The following CDH12 variants were observed in gnomAD, a reference collection of about 807,000 sequenced individuals.
CDH12 encodes the protein cadherin 12.
Under a neutral mutation model 74.1 loss-of-function variants are expected in CDH12, and 41 were observed. That is an observed-to-expected ratio of 0.55 (90% confidence interval 0.43 to 0.72). The LOEUF (loss-of-function observed/expected upper bound fraction) is 0.72. Ranked by LOEUF, CDH12 falls within the 30% of genes least tolerant of loss-of-function variation. The pLI, the probability that CDH12 is intolerant of heterozygous loss-of-function variation, is 0.00. For synonymous variants in CDH12, 399 were observed against 355.0 expected, an observed-to-expected ratio of 1.12 and a Z score of -1.39; for missense variants, 945 against 977.2, an observed-to-expected ratio of 0.97 and a Z score of 0.44.
At chr5:22,424,209 T>C (rs915430202) in intron 2 of CDH12, among the ~76,000 whole-genome samples, 1 of 152,078 alleles carries the variant, frequency 6.6e-6, no homozygotes, top group Non-Finnish European at 1.5e-5. Context: ...TCTTACCATG[T>C]ATCTGTGAAT....
chr5:22,628,784 T>A (rs269003), intron 1 of CDH12, among the ~76,000 whole-genome samples: 4 of 151,684 alleles, frequency 2.6e-5, no homozygotes, highest in South Asian at 2.1e-4. Context: ...TGTAAAAAAC[T>A]TACAAAAGAT....
At chr5:21,947,254 A>G (rs1269295638) in intron 6 of CDH12, among the ~76,000 whole-genome samples, 1 of 152,172 alleles carries the variant, frequency 6.6e-6, no homozygotes, top group African/African-American at 2.4e-5. Flanking sequence ...ACTGCTATAA[A>G]GATACTGAAA....
At chr5:21,923,559 G>T (rs1158355121) in intron 6 of CDH12, among the ~76,000 whole-genome samples, 1 of 151,926 alleles carries the variant, frequency 6.6e-6, no homozygotes, top group Non-Finnish European at 1.5e-5. Flanking sequence ...ATACCTCAGG[G>T]TATCTGTTAT....
intron 5 of CDH12, among the ~76,000 whole-genome samples, chr5:22,013,843 CTCTTTT>C (rs1180781133): frequency 6.6e-5 from 10 of 152,078 alleles, no homozygotes; most frequent in Non-Finnish European, 1.5e-4. Flanking sequence ...TAATATACTT[CTCTTTT>C]TAACATTGGC....
At chr5:21,927,433 A>T (rs1023711374) in intron 6 of CDH12, among the ~76,000 whole-genome samples, 1 of 151,320 alleles carries the variant, frequency 6.6e-6, no homozygotes, top group African/African-American at 2.4e-5. Context: ...AAAATAAAAA[A>T]AAAAATTAGC....
At chr5:22,085,174 G>A (rs574447046) in intron 4 of CDH12, among the ~76,000 whole-genome samples, 3 of 137,266 alleles carry the variant, frequency 2.2e-5, no homozygotes, top group Non-Finnish European at 4.7e-5. Flanking sequence ...TAGCAGGAGG[G>A]ATTTTTTTTT....
At chr5:22,258,257 C>T (rs1272693228) in intron 3 of CDH12, among the ~76,000 whole-genome samples, 1 of 152,060 alleles carries the variant, frequency 6.6e-6, no homozygotes, top group Non-Finnish European at 1.5e-5. Context: ...CCCATAAAAA[C>T]CCATTGGCCT....
chr5:22,710,500 C>G (rs937717373), intron 1 of CDH12, among the ~76,000 whole-genome samples: 1 of 152,096 alleles, frequency 6.6e-6, no homozygotes, highest in African/African-American at 2.4e-5. Flanking sequence ...CTACCATGTG[C>G]AAATGAGTTG....
At chr5:22,832,577 G>T (rs967574082) in intron 1 of CDH12, among the ~76,000 whole-genome samples, 7 of 152,112 alleles carry the variant, frequency 4.6e-5, no homozygotes, top group African/African-American at 1.7e-4. Flanking sequence ...CACCCCTGAA[G>T]TAAGCCAGAA....
intron 3 of CDH12, among the ~76,000 whole-genome samples, chr5:22,261,312 A>G (rs879731712): frequency 6.6e-6 from 1 of 151,940 alleles, no homozygotes; most frequent in African/African-American, 2.4e-5. Context: ...TCTTATATTT[A>G]TTATTCATTG....
intron 3 of CDH12, among the ~76,000 whole-genome samples, chr5:22,235,349 G>A (rs1368836938): frequency 6.6e-6 from 1 of 152,174 alleles, no homozygotes; most frequent in Non-Finnish European, 1.5e-5. Context: ...GGGAGGCCAA[G>A]GCTGGGGGAT....
At chr5:22,583,538 G>T (rs1239447520) in intron 1 of CDH12, among the ~76,000 whole-genome samples, 1 of 152,140 alleles carries the variant, frequency 6.6e-6, no homozygotes, top group Non-Finnish European at 1.5e-5. Context: ...TTTAATGGAA[G>T]GAAACCGTCT....
rs70957059 is a variant in CDH12 at position 21,751,632 on chromosome 5, T to TTGTGTGTGTGTGTGTGTGTG, written c.*85_*104dup. Reference sequence around the variant, plus strand: ...AGAGTGTGTGTGTGTGTGTGTGTGTTTGTGTGTGTGTGTGTGTGTGAGAGA... The same window carrying TTGTGTGTGTGTGTGTGTGTG: ...AGAGTGTGTGTGTGTGTGTGTGTGTTTGTGTGTGTGTGTGTGTGTGTGTGTGTGTGTGTGTGTGTGAGAGA... On this transcript the variant is annotated 3_prime_UTR_variant, in exon 15 of 15. Coordinates refer to ENST00000382254, the MANE Select transcript of CDH12 (RefSeq NM_004061.5). The TTGTGTGTGTGTGTGTGTGTG allele has an allele frequency of 3.2e-4, 184 of 572,982 alleles. No individual in the cohort carries two copies. The African/African-American group carries it at 3.4e-3, about 11-fold the overall frequency. The allele number at this position is 572,982 out of a possible 1,614,324, so 35.5% of individuals were successfully genotyped here. A position where few individuals can be genotyped will look rare whatever the true frequency, so the allele number is the denominator to read the frequency against.
intron 8 of CDH12, among the ~76,000 whole-genome samples, chr5:21,835,598 T>C (rs1749486801): frequency 6.6e-6 from 1 of 151,912 alleles, no homozygotes; most frequent in Non-Finnish European, 1.5e-5. Context: ...TTAAGCCTAG[T>C]AGCTTACCAT....
intron 2 of CDH12, among the ~76,000 whole-genome samples, chr5:22,416,370 C>T (rs962659272): frequency 1.4e-4 from 21 of 151,996 alleles, no homozygotes; most frequent in African/African-American, 3.6e-4. Context: ...CCACCGCGCC[C>T]GGCCTGTAGG....
chr5:22,331,680 A>G (rs113124874), intron 3 of CDH12, among the ~76,000 whole-genome samples: 9 of 152,226 alleles, frequency 5.9e-5, no homozygotes, highest in African/African-American at 2.2e-4. Context: ...CAGAGACCAA[A>G]TACTGGAGAA....
chr5:21,770,604 G>A (rs1422868042), intron 11 of CDH12, among the ~76,000 whole-genome samples: 8 of 144,740 alleles, frequency 5.5e-5, no homozygotes, highest in African/African-American at 2.1e-4. Context: ...GGTGACAAGA[G>A]CAAAAGTCCA....
At chr5:21,965,742 A>T (rs1756552364) in intron 6 of CDH12, among the ~76,000 whole-genome samples, 1 of 152,128 alleles carries the variant, frequency 6.6e-6, no homozygotes, top group South Asian at 2.1e-4. Context: ...GGTGAGTTTT[A>T]AAAATTTTGC....
At chr5:22,033,614 A>C (rs1460746845) in intron 5 of CDH12, among the ~76,000 whole-genome samples, 1 of 152,210 alleles carries the variant, frequency 6.6e-6, no homozygotes, top group African/African-American at 2.4e-5. Context: ...TCTGCAAGAA[A>C]TCTAATAAAG....
Sources: allele counts gnomAD v4.1 joint callset (sites outside exome capture counted in the v4.1 genomes callset), GRCh38; gene constraint gnomAD v4.1.1; transcripts MANE v1.5; gene names NCBI Gene and HGNC (gene_info 2026-07-23, HGNC 2026-07-21).